Variants in LRP1B observed in about 807,000 individuals in gnomAD.
LRP1B encodes LDL receptor related protein 1B, also known as low-density lipoprotein receptor-related protein 1B.
A neutral mutation model predicts 556.6 loss-of-function variants in LRP1B; 217 were observed. The observed-to-expected ratio is 0.39, with a 90% CI of 0.35 to 0.44. The LOEUF (loss-of-function observed/expected upper bound fraction) is 0.44. LRP1B is among the 20% of genes least tolerant of loss of function. The probability of loss-of-function intolerance (pLI) is 1.00; values close to 1 mark genes in which losing one functional copy is unlikely to be tolerated. For missense variants in LRP1B, 5,053 were observed against 5,620.8 expected (o/e 0.90, Z 3.23); for synonymous variants, 2,047 against 1,865.8 (o/e 1.10, Z -2.50).
At chr2:140,859,908 T>C (rs1692738348) in intron 27 of LRP1B, among the ~76,000 whole-genome samples, 1 of 151,998 alleles carries the variant, frequency 6.6e-6, no homozygotes, top group Admixed American at 6.6e-5. Flanking sequence ...GGCAGGAGAA[T>C]GGTGTGAACC....
chr2:141,001,980 C>T (rs1697438859), intron 15 of LRP1B, among the ~76,000 whole-genome samples: 1 of 152,062 alleles, frequency 6.6e-6, no homozygotes, highest in South Asian at 2.1e-4. Context: ...TAAGATTCAG[C>T]CTAGCAGCCA....
chr2:141,126,483 A>G (rs1701215457), intron 7 of LRP1B, among the ~76,000 whole-genome samples: 1 of 152,156 alleles, frequency 6.6e-6, no homozygotes, highest in South Asian at 2.1e-4. Flanking sequence ...CAGGTCCTCT[A>G]AGGACATCTA....
At chr2:141,872,020 GTTC>G (rs1333423591) in intron 1 of LRP1B, among the ~76,000 whole-genome samples, 1 of 151,914 alleles carries the variant, frequency 6.6e-6, no homozygotes, top group Non-Finnish European at 1.5e-5. Flanking sequence ...ACACAGAACT[GTTC>G]TTCAAGAGAG....
chr2:141,266,530 T>TA (rs1684898120), intron 3 of LRP1B, among the ~76,000 whole-genome samples: 3 of 152,176 alleles, frequency 2.0e-5, no homozygotes, highest in Admixed American at 1.3e-4. Context: ...ACAATTTTTT[T>TA]TAAAAAATCT....
At chr2:140,900,788 GAACAATATGTCCTAGACATAAAA>G (rs953602233) in intron 23 of LRP1B, among the ~76,000 whole-genome samples, 63 of 146,560 alleles carry the variant, frequency 4.3e-4, no homozygotes, top group African/African-American at 1.5e-3. Flanking sequence ...ATATATTCAA[GAACAATATGTCCTAGACATAAAA>G]AGAAAAAATA....
rs762457417 is a variant in LRP1B at position 140,516,856 on chromosome 2, T to C, written c.8149+33A>G. On this transcript the variant is annotated intron_variant, in intron 50 of 90. Coordinates refer to ENST00000389484, the MANE Select transcript of LRP1B (RefSeq NM_018557.3). ...TACTAACATATAAGTAATAGTAAGG[T>C]TAACAAAAACTAAGCTAAATACAAT... 2.4e-5 allele frequency: 38 copies of C among 1,607,448 alleles called. No individual in the cohort carries two copies. The East Asian group carries it at 7.6e-4, about 32-fold the overall frequency.
chr2:142,057,102 A>T (rs963179665), intron 1 of LRP1B, among the ~76,000 whole-genome samples: 4 of 152,158 alleles, frequency 2.6e-5, no homozygotes, highest in African/African-American at 9.7e-5. Flanking sequence ...GAGTATATTT[A>T]CCATAAATAG....
chr2:140,454,447 G>A (rs1687014654), intron 62 of LRP1B, among the ~76,000 whole-genome samples: 1 of 152,020 alleles, frequency 6.6e-6, no homozygotes, highest in African/African-American at 2.4e-5. Flanking sequence ...TACCGGGCCT[G>A]GGCAATTAAC....
At chr2:140,712,760 G>A (rs1485080183) in intron 37 of LRP1B, among the ~76,000 whole-genome samples, 1 of 151,908 alleles carries the variant, frequency 6.6e-6, no homozygotes, top group Non-Finnish European at 1.5e-5. Flanking sequence ...CTCATCTTCT[G>A]AAATTGATAA....
intron 27 of LRP1B, 65 bp downstream of exon 27, chr2:140,867,525 A>C (rs1457868720): frequency 6.8e-7 from 1 of 1,473,972 alleles, no homozygotes; most frequent in Non-Finnish European, 9.1e-7. Context: ...TTATACTTCA[A>C]ATATTATATG....
At chr2:141,289,672 A>T (rs965166337) in intron 3 of LRP1B, among the ~76,000 whole-genome samples, 1 of 152,178 alleles carries the variant, frequency 6.6e-6, no homozygotes, top group Non-Finnish European at 1.5e-5. Context: ...TTACATGTAC[A>T]TAGTGCATTT....
Position 141,909,526 on chromosome 2 carries a change from A to ATTTT in LRP1B, c.83-99129_83-99126dup, listed in dbSNP as rs377577096. 1.0e-3 allele frequency among the ~76,000 whole-genome samples: 96 copies of ATTTT among 93,366 alleles called. 6 individuals carry two copies. The highest frequency in any genetic ancestry group is 3.7e-3 in the African/African-American group (79 of 21,432). The allele number at this position is 93,366 out of a possible 152,430, so 61.3% of individuals were successfully genotyped here. On this transcript the variant is annotated intron_variant, in intron 1 of 90. Transcript: ENST00000389484. ...ATTTAATCAGACTAAGGTCTCAGAC[A>ATTTT]TTTTTTTTTTTTTTTTTTTTTTTTT...
At chr2:140,925,586 T>G (rs1694861879) in intron 20 of LRP1B, among the ~76,000 whole-genome samples, 1 of 152,160 alleles carries the variant, frequency 6.6e-6, no homozygotes, top group Non-Finnish European at 1.5e-5. Context: ...GTCAGAGATT[T>G]CAAATATTTA....
At chr2:141,011,476 A>C (rs1697746892) in intron 14 of LRP1B, among the ~76,000 whole-genome samples, 1 of 152,092 alleles carries the variant, frequency 6.6e-6, no homozygotes, top group Admixed American at 6.6e-5. Flanking sequence ...ACTGAGAAAA[A>C]ATGGTATTAA....
In LRP1B at chr2:141,231,585, C is replaced by T. The variant is rs996304216; in HGVS notation, c.593-2145G>A. ...CATGCAGCTTATATAGCACGTAGCA[C>T]GTTCCCTTAGCACATTCCCCCCACC... On this transcript the variant is annotated intron_variant, in intron 5 of 90. Transcript: ENST00000389484. Among the ~76,000 whole-genome samples the T allele has an allele frequency of 2.0e-5, 3 of 152,048 alleles. No individual in the cohort carries two copies. In the South Asian group the frequency reaches 6.2e-4, roughly 32 times the overall value.
At chr2:141,828,630 C>A (rs769708668) in intron 1 of LRP1B, among the ~76,000 whole-genome samples, 1 of 152,006 alleles carries the variant, frequency 6.6e-6, no homozygotes, top group African/African-American at 2.4e-5. Flanking sequence ...TCATAAGTTA[C>A]CTCGTGCTGG....
intron 25 of LRP1B, among the ~76,000 whole-genome samples, chr2:140,879,544 G>C (rs1316575684): frequency 6.6e-6 from 1 of 151,910 alleles, no homozygotes; most frequent in Non-Finnish European, 1.5e-5. Flanking sequence ...CCATAACATA[G>C]TTCAAAACAA....
At chr2:140,446,206 C>G (rs931022789) in intron 63 of LRP1B, among the ~76,000 whole-genome samples, 2 of 152,074 alleles carry the variant, frequency 1.3e-5, no homozygotes, top group Admixed American at 1.3e-4. Context: ...ACAATTTTCT[C>G]TAATACTCCT....
At position 140,745,674 on chromosome 2, in the gene LRP1B, T is replaced by A. The variant is rs548845189; in HGVS notation, c.5758+23539A>T. On this transcript the variant is annotated intron_variant, in intron 35 of 90. Coordinates refer to ENST00000389484, the MANE Select transcript of LRP1B (RefSeq NM_018557.3). The stretch of plus-strand genomic sequence containing the variant: ...TTGTTCCCTTTCATGAAAGATTTTC[T>A]TCCTGAACCCAGATGCCCCACTGCC... 2.6e-5 allele frequency among the ~76,000 whole-genome samples: 4 copies of A among 152,282 alleles called. 1 individual carries two copies. The highest frequency in any genetic ancestry group is 9.6e-5 in the African/African-American group (4 of 41,574).
Sources: allele counts gnomAD v4.1 joint callset (sites outside exome capture counted in the v4.1 genomes callset), GRCh38; gene constraint gnomAD v4.1.1; transcripts MANE v1.5; gene names NCBI Gene and HGNC (gene_info 2026-07-23, HGNC 2026-07-21).